Variants in KAZN observed in about 807,000 individuals in gnomAD.
The protein encoded by KAZN is kazrin.
KAZN carries 40 observed loss-of-function variants against 87.4 expected under a neutral mutation model. The ratio of observed to expected loss-of-function variants is 0.46; its 90% CI spans 0.36 to 0.60. KAZN has a LOEUF of 0.60. KAZN is among the 20% of genes least tolerant of loss of function. The probability of loss-of-function intolerance (pLI) is 0.00; values close to 1 mark genes in which losing one functional copy is unlikely to be tolerated. For missense variants in KAZN, 898 were observed against 1,073.9 expected (o/e 0.84, Z 2.29); for synonymous variants, 466 against 458.3 (o/e 1.02, Z -0.22).
intron 1 of KAZN, among the ~76,000 whole-genome samples, chr1:14,839,448 T>G (rs1410900848): frequency 2.6e-5 from 4 of 152,132 alleles, no homozygotes; most frequent in African/African-American, 9.7e-5. Flanking sequence ...TTAAGTAGCA[T>G]AATAAATGAA....
chr1:14,453,468 A>T (rs1667393357), intron 2 of KAZN, among the ~76,000 whole-genome samples: 1 of 152,178 alleles, frequency 6.6e-6, no homozygotes, highest in South Asian at 2.1e-4. Context: ...AATTTAGTCT[A>T]AAAAAAGTAC....
chr1:14,232,275 A>G (rs1647935864), intron 2 of KAZN, among the ~76,000 whole-genome samples: 1 of 152,138 alleles, frequency 6.6e-6, no homozygotes, highest in South Asian at 2.1e-4. Context: ...GTATGTGCCT[A>G]TTGCAGAGGT....
intron 1 of KAZN, chr1:14,924,617 GC>G: frequency 1.0e-6 from 1 of 979,512 alleles, no homozygotes. Flanking sequence ...GCGGACACAG[GC>G]CCAGGAGCCG....
chr1:15,002,619 A>G (rs1230762383), intron 2 of KAZN, among the ~76,000 whole-genome samples: 1 of 152,140 alleles, frequency 6.6e-6, no homozygotes, highest in Non-Finnish European at 1.5e-5. Context: ...CATTGTCATC[A>G]TCTTGCCAAG....
At chr1:14,249,732 G>GA (rs1233978213) in intron 2 of KAZN, among the ~76,000 whole-genome samples, 2 of 152,146 alleles carry the variant, frequency 1.3e-5, no homozygotes, top group South Asian at 2.1e-4. Flanking sequence ...GTGGCCATGG[G>GA]AAAAGAGGTC....
chr1:15,034,941 C>T, intron 3 of KAZN, 56 bp downstream of exon 3: 1 of 1,599,926 alleles, frequency 6.3e-7, no homozygotes. Flanking sequence ...CCCACCTCCC[C>T]TGCTGGCTGG....
chr1:14,064,219 T>G (rs184963347), intron 1 of KAZN, among the ~76,000 whole-genome samples: 1 of 152,286 alleles, frequency 6.6e-6, no homozygotes, highest in African/African-American at 2.4e-5. Context: ...ATGCTGCCCT[T>G]GTGTTTACAT....
Position 14,923,654 on chromosome 1 carries a change from G to A in KAZN, c.227-37030G>A, listed in dbSNP as rs2101513175. Reference sequence around the variant, plus strand: ...CCCCTCGCGATCTCCCCCACCAGACGGTGGGTGCACTCAGCATTCCCCTCA... The same window carrying A: ...CCCCTCGCGATCTCCCCCACCAGACAGTGGGTGCACTCAGCATTCCCCTCA... On this transcript the variant is annotated intron_variant, in intron 1 of 14. Coordinates refer to ENST00000376030, the MANE Select transcript of KAZN (RefSeq NM_201628.3). This position sits in a 1 kb window ranked among gnomAD's most constrained non-coding sequence, Gnocchi z 4.2. 1.3e-5 allele frequency among the ~76,000 whole-genome samples: 2 copies of A among 152,280 alleles called. 1 individual carries two copies. Among genetic ancestry groups the A allele is most frequent in the South Asian group, 4.1e-4 (2 of 4,822 alleles).
At chr1:14,596,807 A>G (rs529331070), upstream of KAZN, among the ~76,000 whole-genome samples, 1 of 152,280 alleles carries the variant, frequency 6.6e-6, no homozygotes, top group South Asian at 2.1e-4. Flanking sequence ...GTAATATTCC[A>G]TTGCATACTG....
At chr1:14,228,137 A>G (rs1433761702) in intron 2 of KAZN, among the ~76,000 whole-genome samples, 1 of 152,076 alleles carries the variant, frequency 6.6e-6, no homozygotes, top group Non-Finnish European at 1.5e-5. Context: ...TCTTCCACTC[A>G]GCTGAGTTCT....
intron 1 of KAZN, among the ~76,000 whole-genome samples, chr1:14,053,263 G>A (rs773304896): frequency 2.0e-5 from 3 of 152,186 alleles, no homozygotes; most frequent in Non-Finnish European, 4.4e-5. Flanking sequence ...CATGAGAAAT[G>A]GAATTTTGCC....
chr1:13,950,381 C>T (rs1641300624), intron 1 of KAZN, among the ~76,000 whole-genome samples: 1 of 152,200 alleles, frequency 6.6e-6, no homozygotes, highest in Non-Finnish European at 1.5e-5. Context: ...GATGGTCTCT[C>T]CTATCAGACT....
At chr1:14,132,255 A>G (rs1194770654) in intron 1 of KAZN, among the ~76,000 whole-genome samples, 2 of 151,724 alleles carry the variant, frequency 1.3e-5, no homozygotes, top group Non-Finnish European at 2.9e-5. Flanking sequence ...CCACCTCCCC[A>G]CTCTGGGCTG....
At chr1:14,144,584 C>T (rs572805240) in intron 1 of KAZN, among the ~76,000 whole-genome samples, 15 of 152,198 alleles carry the variant, frequency 9.9e-5, no homozygotes, top group African/African-American at 3.1e-4. Flanking sequence ...CTACCACACC[C>T]GGCCTTGTCT....
intron 1 of KAZN, among the ~76,000 whole-genome samples, chr1:14,713,797 A>AAAAAAAAAAAAG (rs1553215138): frequency 7.3e-5 from 7 of 95,648 alleles, no homozygotes; most frequent in African/African-American, 3.0e-4. Context: ...AAAAAAAAAA[A>AAAAAAAAAAAAG]AAAGAAAGAA....
rs551437125 is a variant in KAZN, at chr1:14,996,106, A to G, written c.418+35231A>G. 1.4e-3 allele frequency among the ~76,000 whole-genome samples: 214 copies of G among 152,196 alleles called. No individual in the cohort carries two copies. Among genetic ancestry groups the G allele is most frequent in the African/African-American group, 4.7e-3 (197 of 41,526 alleles). On this transcript the variant is annotated intron_variant, in intron 2 of 14. Transcript: ENST00000376030. The surrounding 1 kb of genome is among the most constrained non-coding windows in gnomAD (Gnocchi z 5.9). ...AGAGGGTCCATACCCTGCACAGCAG[A>G]CGCGAGTGTGCATGTCAGTTTCCAG...
intron 1 of KAZN, among the ~76,000 whole-genome samples, chr1:14,171,206 GGTT>G: frequency 6.6e-6 from 1 of 152,260 alleles, no homozygotes; most frequent in South Asian, 2.1e-4. Flanking sequence ...TGGGAATTTG[GGTT>G]GTTTCCACCT....
chr1:14,103,337 G>A (rs1414916778), intron 1 of KAZN, among the ~76,000 whole-genome samples: 1 of 152,186 alleles, frequency 6.6e-6, no homozygotes, highest in Non-Finnish European at 1.5e-5. Flanking sequence ...TTGAGGCACT[G>A]GGGGTTAGGA....
intron 1 of KAZN, among the ~76,000 whole-genome samples, chr1:14,775,484 C>G (rs1170318575): frequency 6.6e-6 from 1 of 152,212 alleles, no homozygotes; most frequent in African/African-American, 2.4e-5. Context: ...AGAGATGATC[C>G]AGGTCAGCCT....
Sources: gnomAD v4.1 joint callset for allele counts (sites outside exome capture counted in the v4.1 genomes callset) on GRCh38, gnomAD v4.1.1 for gene constraint, Gnocchi (gnomAD v3.1) non-coding constraint, MANE v1.5 for transcripts, NCBI Gene and HGNC (gene_info 2026-07-23, HGNC 2026-07-21) for gene names.